Variants in ANKRD52 observed in about 807,000 individuals in gnomAD.
ANKRD52 encodes the protein ankyrin repeat domain 52.
In ANKRD52, 7 loss-of-function variants were observed where a neutral mutation model predicts 116.0. That is an observed-to-expected ratio of 0.06 (90% CI 0.03 to 0.11). The LOEUF (loss-of-function observed/expected upper bound fraction) is 0.11, where lower values mean the gene tolerates loss of function less well. Ranked by LOEUF, ANKRD52 falls within the 10% of genes least tolerant of loss-of-function variation. The pLI is 1.00. For synonymous variants in ANKRD52, 528 were observed against 578.1 expected, an observed-to-expected ratio of 0.91 and a Z score of 1.24; for missense variants, 839 against 1,408.6, an observed-to-expected ratio of 0.60 and a Z score of 6.47.
chr12:56,245,367 A>C lies in ANKRD52; in HGVS notation c.2404+10T>G. 6.2e-7 allele frequency: 1 copy of C among 1,608,754 alleles called. No individual in the cohort carries two copies. The highest frequency in any genetic ancestry group is 8.5e-7 in the Non-Finnish European group (1 of 1,178,058). ...ATGCTCCTGTGCCTGTGGAGGCCCC[A>C]GTCTAGTACCAGTGTAGGAGGCCCA... On this transcript the variant is annotated intron_variant, in intron 21 of 27. Coordinates refer to ENST00000267116, the MANE Select transcript of ANKRD52 (RefSeq NM_173595.4).
chr12:56,241,910 G>C lies in ANKRD52; in HGVS notation c.*1232C>G. ...CAGCTCAATCCCATCTTTCCTCCCT[G>C]CTGGGAAGGCAGGGACCAAGCCCCA... On this transcript the variant is annotated 3_prime_UTR_variant, in exon 28 of 28. Coordinates refer to ENST00000267116, the MANE Select transcript of ANKRD52 (RefSeq NM_173595.4). 4 of 398,390 alleles carry C rather than the reference G, an allele frequency of 1.0e-5. No homozygotes were observed. 24.7% of individuals were successfully genotyped at this position (398,390 alleles called of 1,614,324 possible). A position where few individuals can be genotyped will look rare whatever the true frequency, so the allele number is the denominator to read the frequency against.
In ANKRD52 at chr12:56,237,920, G is replaced by A. The variant is rs565229600; in HGVS notation, c.*5222C>T. On this transcript the variant is annotated 3_prime_UTR_variant, in exon 28 of 28. Coordinates refer to ENST00000267116, the MANE Select transcript of ANKRD52 (RefSeq NM_173595.4). ...GAGTGTGGTGGGAGGACCCGAAGCC[G>A]GTTGGGGGAGGATGTGAGTAGGGGC... 20 of 665,616 alleles carry A rather than the reference G, an allele frequency of 3.0e-5. No individual in the cohort carries two copies. Among genetic ancestry groups the A allele is most frequent in the Middle Eastern group, 4.3e-4 (1 of 2,336 alleles). The allele number at this position is 665,616 out of a possible 1,614,324, so 41.2% of individuals were successfully genotyped here. A position where few individuals can be genotyped will look rare whatever the true frequency, so the allele number is the denominator to read the frequency against.
In ANKRD52 at chr12:56,248,049, C is replaced by T. The variant is rs757085023; in HGVS notation, c.1952G>A (p.Arg651His). 18 of 1,607,672 alleles carry T rather than the reference C, an allele frequency of 1.1e-5. No individual in the cohort carries two copies. The highest frequency in any genetic ancestry group is 1.4e-5 in the Non-Finnish European group (16 of 1,179,616). The change falls in exon 18 of 28, where the codon CGC (arginine) becomes CAC (histidine). Residue 651 changes from arginine (R) to histidine (H), a missense_variant. Coordinates refer to ENST00000267116, the MANE Select transcript of ANKRD52 (RefSeq NM_173595.4). The surrounding 1 kb of genome is among the most constrained non-coding windows in gnomAD (Gnocchi z 5.1). ...AGCAGCGTGCAGGGGTGTCCACTTGCGCTTGCGCTCCTTGATGAGGGCAGA... is the reference window on the plus strand; with the variant it reads ...AGCAGCGTGCAGGGGTGTCCACTTGTGCTTGCGCTCCTTGATGAGGGCAGA... ...GASALIKERK[R>H]KWTPLHAAAA...
Position 56,243,466 on chromosome 12 carries a change from C to A in ANKRD52, c.2981-74G>T. 1 of 1,526,374 alleles carries A rather than the reference C, an allele frequency of 6.6e-7. No individual in the cohort carries two copies. The highest frequency in any genetic ancestry group is 2.4e-5 in the East Asian group (1 of 41,698). 94.6% of individuals were successfully genotyped at this position (1,526,374 alleles called of 1,614,324 possible). ...CAGCCTCCCCCAAGCCCTGAAGTCT[C>A]TTCTCTGTGGAGGGAGCCAAGGCAG... On this transcript the variant is annotated intron_variant, in intron 27 of 27. Transcript: ENST00000267116. This position sits in a 1 kb window ranked among gnomAD's most constrained non-coding sequence, Gnocchi z 4.6.
rs571016733 is a variant in ANKRD52, at chr12:56,249,890, A to C, written c.1593-1020T>G. ...CCCCGTCTGTACTAAAATACAAAAAATTAGCCAGGCGTGGCAGCGTGCTCC... is the reference window on the plus strand; with the variant it reads ...CCCCGTCTGTACTAAAATACAAAAACTTAGCCAGGCGTGGCAGCGTGCTCC... On this transcript the variant is annotated intron_variant, in intron 15 of 27. Coordinates refer to ENST00000267116, the MANE Select transcript of ANKRD52 (RefSeq NM_173595.4). Among the ~76,000 whole-genome samples the C allele has an allele frequency of 1.5e-3, 226 of 152,326 alleles. 3 individuals are homozygous for C. In the South Asian group the frequency reaches 0.045, roughly 30 times the overall value.
chr12:56,251,941 G>A, intron 15 of ANKRD52, 74 bp downstream of exon 15: 2 of 1,500,408 alleles, frequency 1.3e-6, no homozygotes, highest in Non-Finnish European at 9.2e-7. Context: ...GTTCAGATTA[G>A]GTAGGAGGAC....
At chr12:56,251,385 T>G (rs1171435545) in intron 15 of ANKRD52, among the ~76,000 whole-genome samples, 1 of 151,732 alleles carries the variant, frequency 6.6e-6, no homozygotes, top group Non-Finnish European at 1.5e-5. Context: ...GCTGGGATTA[T>G]AGGCGTGTGC....
rs376052315 is a variant in ANKRD52, at chr12:56,257,289, T to A, written c.184A>T (p.Met62Leu). 73 of 1,594,734 alleles carry A rather than the reference T, an allele frequency of 4.6e-5. 1 individual carries two copies. In the South Asian group the frequency reaches 8.2e-4, roughly 18 times the overall value. The change falls in exon 3 of 28, where the codon ATG (methionine) becomes TTG (leucine). Residue 62 changes from methionine (M) to leucine (L), a missense_variant. Around this residue, in one of 2 missense-constraint regions of ANKRD52, gnomAD observed 287 missense variants for 598.1 expected, o/e 0.48. Transcript: ENST00000267116. ...TCCAGCTCCCCACTTTCACCTGACA[T>A]CAGTAGCAACTGGAGGATGGGGACA... ...GDVPILQLLLMSGANVNAKDT... is the reference protein window; with the variant it reads ...GDVPILQLLLLSGANVNAKDT...
chr12:56,250,850 CT>C (rs1164789106), intron 15 of ANKRD52, among the ~76,000 whole-genome samples: 2 of 151,716 alleles, frequency 1.3e-5, no homozygotes, highest in Admixed American at 6.6e-5. Context: ...CATAAGTGTC[CT>C]TTTATTTATC....
At chr12:56,249,378 T>C (rs1871576624) in intron 15 of ANKRD52, among the ~76,000 whole-genome samples, 1 of 152,176 alleles carries the variant, frequency 6.6e-6, no homozygotes, top group Admixed American at 6.5e-5. Context: ...GTAGTAATAA[T>C]AATAAAGTAG....
chr12:56,253,505 C>A lies in ANKRD52; in HGVS notation c.986-103G>T. On this transcript the variant is annotated intron_variant, in intron 9 of 27. Transcript: ENST00000267116. This position sits in a 1 kb window ranked among gnomAD's most constrained non-coding sequence, Gnocchi z 5.5. The stretch of plus-strand genomic sequence containing the variant: ...GTGCCTACTATGTATGCATCAGGTG[C>A]CAGGCCCAGGATTCTACATATTTTA... 1.0e-6 allele frequency: 1 copy of A among 1,001,170 alleles called. No individual in the cohort carries two copies. The highest frequency in any genetic ancestry group is 1.5e-6 in the Non-Finnish European group (1 of 649,356). The allele number at this position is 1,001,170 out of a possible 1,614,324, so 62.0% of individuals were successfully genotyped here.
chr12:56,257,714 G>A, intron 2 of ANKRD52, 114 bp downstream of exon 2: 1 of 1,031,352 alleles, frequency 9.7e-7, no homozygotes. Context: ...AGGATGGAAA[G>A]AACTGCGGCC....
At chr12:56,257,765 G>A in intron 2 of ANKRD52, 63 bp downstream of exon 2, 1 of 1,530,336 alleles carries the variant, frequency 6.5e-7, no homozygotes. Flanking sequence ...CCACCGGTGG[G>A]GAGGGGTCCA....
intron 1 of ANKRD52, 133 bp from the exon 2 acceptor site, chr12:56,258,044 G>C (rs1872050159): frequency 4.6e-6 from 6 of 1,308,374 alleles, no homozygotes; most frequent in African/African-American, 4.4e-5. Context: ...ATTCTGGCTG[G>C]AGCGAGCTCC....
chr12:56,245,430 T>C lies in ANKRD52; in HGVS notation c.2351A>G (p.Asp784Gly), dbSNP rs1871349061. Residue 784 changes from aspartate (D) to glycine (G), a missense_variant, in exon 21 of 28, where the codon GAT becomes GGT. Asp to Gly is a moderately conservative substitution (Grantham distance 94). Coordinates refer to ENST00000267116, the MANE Select transcript of ANKRD52 (RefSeq NM_173595.4). ...LQAALSTDPLDAGVDYSGYSP... is the reference protein window; with the variant it reads ...LQAALSTDPLGAGVDYSGYSP... Reference sequence around the variant, plus strand: ...GTATCCGCTGTAATCCACCCCGGCATCCAGGGGATCTGTGGAAAGGGCAGC... The same window carrying C: ...GTATCCGCTGTAATCCACCCCGGCACCCAGGGGATCTGTGGAAAGGGCAGC... 6.2e-7 allele frequency: 1 copy of C among 1,612,946 alleles called. No individual in the cohort carries two copies.
chr12:56,244,600 C>G lies in ANKRD52; in HGVS notation c.2722+52G>C, dbSNP rs1428721949. 2.5e-6 allele frequency: 4 copies of G among 1,609,184 alleles called. No individual in the cohort carries two copies. Among genetic ancestry groups the G allele is most frequent in the Non-Finnish European group, 2.5e-6 (3 of 1,177,448 alleles). ...GCCTCCACAGGCAGGGCTGACCCATCCTGCAAATGCCCCAGGGGAGCTCCT... is the reference window on the plus strand; with the variant it reads ...GCCTCCACAGGCAGGGCTGACCCATGCTGCAAATGCCCCAGGGGAGCTCCT... On this transcript the variant is annotated intron_variant, in intron 24 of 27. Coordinates refer to ENST00000267116, the MANE Select transcript of ANKRD52 (RefSeq NM_173595.4). This position sits in a 1 kb window ranked among gnomAD's most constrained non-coding sequence, Gnocchi z 4.9.
Position 56,242,072 on chromosome 12 carries a change from G to T in ANKRD52, c.*1070C>A. 2.5e-6 allele frequency: 1 copy of T among 398,648 alleles called. No individual in the cohort carries two copies. The highest frequency in any genetic ancestry group is 4.4e-6 in the Non-Finnish European group (1 of 226,106). 24.7% of individuals were successfully genotyped at this position (398,648 alleles called of 1,614,324 possible). On this transcript the variant is annotated 3_prime_UTR_variant, in exon 28 of 28. Coordinates refer to ENST00000267116, the MANE Select transcript of ANKRD52 (RefSeq NM_173595.4). This position sits in a 1 kb window ranked among gnomAD's most constrained non-coding sequence, Gnocchi z 4.3. ...CTTCAGATCAGGAGTGACTGGGGCA[G>T]TGGGTACTCTTGGACATAACGGAAG...
At chr12:56,250,976 T>C (rs1009425834) in intron 15 of ANKRD52, among the ~76,000 whole-genome samples, 3 of 152,174 alleles carry the variant, frequency 2.0e-5, no homozygotes, top group Admixed American at 6.5e-5. Flanking sequence ...AGTCTCACTC[T>C]GTCGCCCAGG....
Position 56,239,778 on chromosome 12 carries a change from GT to G in ANKRD52, c.*3363del, listed in dbSNP as rs1871083848. ...CCTCCAGCCTCTTCTCCCCTTCTAG[GT>G]CCAGGGAGTAAGAAGGTGCTCGGGT... On this transcript the variant is annotated 3_prime_UTR_variant, in exon 28 of 28. Transcript: ENST00000267116. The G allele has an allele frequency of 6.6e-6, 1 of 152,414 alleles. No homozygotes were observed. Among genetic ancestry groups the G allele is most frequent in the South Asian group, 2.1e-4 (1 of 4,818 alleles). 9.4% of individuals were successfully genotyped at this position (152,414 alleles called of 1,614,324 possible).
Sources: gnomAD v4.1 joint callset for allele counts (sites outside exome capture counted in the v4.1 genomes callset) on GRCh38, gnomAD v4.1.1 for gene constraint, gnomAD v4.1.1 regional missense constraint, Gnocchi (gnomAD v3.1) non-coding constraint, MANE v1.5 for transcripts, NCBI Gene and HGNC (gene_info 2026-07-23, HGNC 2026-07-21) for gene names.